OPRM1: variants seen among roughly 807,000 people sequenced by gnomAD.
The protein encoded by OPRM1 is mu-type opioid receptor.
A neutral mutation model predicts 31.8 loss-of-function variants in OPRM1; 27 were observed. That is an observed-to-expected ratio of 0.85 (90% CI 0.63 to 1.17). The LOEUF is 1.17. Among genes scored for constraint, OPRM1 ranks in the 50% most tolerant of loss-of-function variants. The probability of loss-of-function intolerance (pLI) is 0.00; values close to 1 mark genes in which losing one functional copy is unlikely to be tolerated. For synonymous variants in OPRM1, 196 were observed against 189.9 expected (o/e 1.03, Z -0.26); for missense variants, 536 against 511.1 (o/e 1.05, Z -0.47).
chr6:154,041,265 C>T (rs762559327), intron 1 of OPRM1, among the ~76,000 whole-genome samples: 15 of 151,932 alleles, frequency 9.9e-5, no homozygotes, highest in Non-Finnish European at 4.4e-5. Flanking sequence ...GAAAAGAGCA[C>T]CATCTATTGA....
chr6:154,080,660 G>A (rs1223688582), intron 1 of OPRM1, among the ~76,000 whole-genome samples: 3 of 152,044 alleles, frequency 2.0e-5, no homozygotes, highest in Admixed American at 6.6e-5. Flanking sequence ...TCACAGCACA[G>A]AGCCATCCCA....
chr6:154,075,061 T>G (rs1356605627), intron 1 of OPRM1, among the ~76,000 whole-genome samples: 2 of 152,044 alleles, frequency 1.3e-5, no homozygotes, highest in African/African-American at 2.4e-5. Flanking sequence ...TTCAGGAACA[T>G]ACAAAAGAGA....
chr6:154,206,240 G>C (rs568625274), intron 3 of OPRM1, among the ~76,000 whole-genome samples: 2 of 152,172 alleles, frequency 1.3e-5, no homozygotes, highest in Non-Finnish European at 2.9e-5. Flanking sequence ...TATTTCTCTG[G>C]AACCTGGCTT....
intron 1 of OPRM1, among the ~76,000 whole-genome samples, chr6:154,041,504 A>C (rs1286265342): frequency 1.3e-5 from 2 of 152,186 alleles, no homozygotes; most frequent in East Asian, 3.8e-4. Context: ...AAACTAATCA[A>C]GCTAGAAGGG....
rs192853791 is a variant in OPRM1, at chr6:154,175,486, G to A, written c.1165-71207G>A. Among the ~76,000 whole-genome samples, 210 of 150,938 alleles carry A rather than the reference G, an allele frequency of 1.4e-3. 2 individuals are homozygous for A. The highest frequency in any genetic ancestry group is 5.0e-3 in the African/African-American group (204 of 41,198). ...TAGACACAATAAAAAATGATAAAGG[G>A]GATATCACCACCAATCCCACAGAAA... On this transcript the variant is annotated intron_variant, in intron 3 of 3. Transcript: ENST00000337049.
chr6:154,078,455 A>T (rs541139356), intron 1 of OPRM1, among the ~76,000 whole-genome samples: 2 of 152,246 alleles, frequency 1.3e-5, no homozygotes, highest in Non-Finnish European at 2.9e-5. Context: ...ACCCACAGGG[A>T]GAGCAAATGA....
intron 3 of OPRM1, among the ~76,000 whole-genome samples, chr6:154,147,729 C>T (rs1380820026): frequency 2.0e-5 from 3 of 152,188 alleles, no homozygotes; most frequent in Admixed American, 2.0e-4. Context: ...CCCAAAGGAA[C>T]TAAGTGTCAG....
intron 1 of OPRM1, among the ~76,000 whole-genome samples, chr6:154,042,230 C>G (rs375812034): frequency 6.6e-5 from 10 of 152,030 alleles, no homozygotes; most frequent in South Asian, 2.1e-4. Flanking sequence ...ACAGATGAAG[C>G]GACAGGGAAA....
At chr6:154,147,352 T>C (rs138842226) in intron 3 of OPRM1, among the ~76,000 whole-genome samples, 3 of 152,246 alleles carry the variant, frequency 2.0e-5, no homozygotes, top group African/African-American at 7.2e-5. Context: ...CAAGTTAGGG[T>C]GATGAACTAC....
intron 3 of OPRM1, among the ~76,000 whole-genome samples, chr6:154,207,684 T>C (rs890225119): frequency 2.6e-5 from 4 of 152,214 alleles, no homozygotes; most frequent in Admixed American, 2.6e-4. Flanking sequence ...CTTCCTCCTC[T>C]GTCGCTGGCC....
At chr6:154,073,513 A>C (rs1280812257) in intron 1 of OPRM1, 1 of 152,264 alleles carries the variant, frequency 6.6e-6, no homozygotes, top group African/African-American at 2.4e-5. Context: ...CTTTATCCCC[A>C]GCCAGGCTGC....
At chr6:154,179,396 T>C (rs747887814) in intron 3 of OPRM1, among the ~76,000 whole-genome samples, 2 of 152,196 alleles carry the variant, frequency 1.3e-5, no homozygotes, top group Non-Finnish European at 2.9e-5. Context: ...CACTACATTA[T>C]TTCTCTTATC....
Position 154,039,567 on chromosome 6 carries a change from C to T in OPRM1, c.23C>T (p.Thr8Met). 6.2e-7 allele frequency: 1 copy of T among 1,612,906 alleles called. No homozygotes were observed. Among genetic ancestry groups the T allele is most frequent in the Non-Finnish European group, 8.5e-7 (1 of 1,179,546 alleles). MDSSAAP[T>M]NASNCTDALA... ...ACCATGGACAGCAGCGCTGCCCCCA[C>T]GAACGCCAGCAATTGCACTGATGCC... Residue 8 changes from threonine (T) to methionine (M), a missense_variant, in exon 1 of 4, where the codon ACG (threonine) becomes ATG (methionine). Thr to Met is a moderately conservative substitution (Grantham distance 81). Transcript: ENST00000330432.
At chr6:154,179,548 A>T (rs547030821) in intron 3 of OPRM1, among the ~76,000 whole-genome samples, 3 of 152,250 alleles carry the variant, frequency 2.0e-5, no homozygotes, top group South Asian at 4.1e-4. Context: ...TCTGACAGTC[A>T]AGTGTTTCCA....
At chr6:154,144,386 C>T (rs545636601) in intron 3 of OPRM1, among the ~76,000 whole-genome samples, 1 of 152,296 alleles carries the variant, frequency 6.6e-6, no homozygotes, top group African/African-American at 2.4e-5. Flanking sequence ...AATATTCATC[C>T]TGAATAAAGA....
chr6:154,190,497 C>T (rs1177278032), intron 3 of OPRM1, among the ~76,000 whole-genome samples: 1 of 152,126 alleles, frequency 6.6e-6, no homozygotes, highest in Non-Finnish European at 1.5e-5. Flanking sequence ...AAATCCAAAA[C>T]ACAGAAAACA....
chr6:154,186,061 G>T (rs762680429), intron 3 of OPRM1, among the ~76,000 whole-genome samples: 2 of 152,142 alleles, frequency 1.3e-5, no homozygotes, highest in Non-Finnish European at 1.5e-5. Context: ...CCTTCTCTGT[G>T]TTCTCTCTCC....
At chr6:154,157,599 A>C (rs1323867037) in intron 3 of OPRM1, 1 of 152,242 alleles carries the variant, frequency 6.6e-6, no homozygotes. Flanking sequence ...GAAAAGCCAA[A>C]GGAAAGCATT....
chr6:154,022,515 TTTG>T (rs1238206677), intron 1 of OPRM1, among the ~76,000 whole-genome samples: 3 of 133,748 alleles, frequency 2.2e-5, no homozygotes, highest in African/African-American at 1.1e-4. Flanking sequence ...GTCTCTTCAG[TTTG>T]TTGATTGTTT....
Sources: gnomAD v4.1 joint callset for allele counts (sites outside exome capture counted in the v4.1 genomes callset) on GRCh38, gnomAD v4.1.1 for gene constraint, MANE v1.5 for transcripts, NCBI Gene and HGNC (gene_info 2026-07-23, HGNC 2026-07-21) for gene names.